Variants in MAP3K9 observed in about 807,000 individuals in gnomAD.
MAP3K9 encodes mixed lineage kinase 1 (tyr and ser/thr specificity).
MAP3K9 carries 46 observed loss-of-function variants against 95.8 expected under a neutral mutation model. That is an observed-to-expected ratio of 0.48 (90% CI 0.38 to 0.61). The LOEUF is 0.61. Ranked by LOEUF, MAP3K9 falls within the 20% of genes least tolerant of loss-of-function variation. The pLI, the probability that MAP3K9 is intolerant of heterozygous loss-of-function variation, is 0.00. For synonymous variants in MAP3K9, 533 were observed against 593.8 expected (o/e 0.90, Z 1.49); for missense variants, 1,296 against 1,474.3 (o/e 0.88, Z 1.98).
rs555684591 is a variant in MAP3K9 at position 70,785,355 on chromosome 14, T to C, written c.820+15312A>G. Among the ~76,000 whole-genome samples the C allele has an allele frequency of 3.2e-4, 48 of 152,252 alleles. 1 individual carries two copies. The highest frequency in any genetic ancestry group is 2.4e-5 in the African/African-American group (1 of 41,464). On this transcript the variant is annotated intron_variant, in intron 2 of 11. Coordinates refer to ENST00000554752, the MANE Select transcript of MAP3K9 (RefSeq NM_001284230.2). ...CCCAATCCATGGATAGAACCCTGTA[T>C]ATACTGTTTTTTCCTATACATTCAT... is the stretch of plus-strand genomic sequence containing the variant.
intron 2 of MAP3K9, among the ~76,000 whole-genome samples, chr14:70,792,056 T>C (rs1163525063): frequency 6.6e-6 from 1 of 152,236 alleles, no homozygotes; most frequent in Non-Finnish European, 1.5e-5. Flanking sequence ...TGCTGAGTCC[T>C]GTTCACCCGG....
Position 70,726,718 on chromosome 14 carries a change from A to C in MAP3K9, c.*3662T>G, listed in dbSNP as rs1044454316. The C allele has an allele frequency of 6.6e-6, 1 of 152,348 alleles. No individual in the cohort carries two copies. The highest frequency in any genetic ancestry group is 1.5e-5 in the Non-Finnish European group (1 of 68,124). 9.4% of individuals were successfully genotyped at this position (152,348 alleles called of 1,614,324 possible). Reference sequence around the variant, plus strand: ...AAATCACTCCTCTTCCAGAAGCCAAAGGACGAAAGAAAAGGCAAGTTCCCT... The same window carrying C: ...AAATCACTCCTCTTCCAGAAGCCAACGGACGAAAGAAAAGGCAAGTTCCCT... On this transcript the variant is annotated 3_prime_UTR_variant, in exon 12 of 12. Transcript: ENST00000554752.
At chr14:70,786,593 G>A (rs886568501) in intron 2 of MAP3K9, among the ~76,000 whole-genome samples, 4 of 152,084 alleles carry the variant, frequency 2.6e-5, no homozygotes, top group African/African-American at 4.8e-5. Context: ...CTGGTTCCTC[G>A]AATGGGGTAC....
intron 3 of MAP3K9, among the ~76,000 whole-genome samples, chr14:70,760,135 A>T (rs1341377334): frequency 1.0e-5 from 1 of 96,960 alleles, no homozygotes; most frequent in Admixed American, 1.1e-4. Context: ...TATTTAAAAT[A>T]AACGTGCACA....
chr14:70,755,018 G>A (rs2054279645), intron 3 of MAP3K9, among the ~76,000 whole-genome samples: 1 of 152,148 alleles, frequency 6.6e-6, no homozygotes, highest in African/African-American at 2.4e-5. Flanking sequence ...CACAACATTT[G>A]CAGGAGAACT....
intron 2 of MAP3K9, among the ~76,000 whole-genome samples, chr14:70,797,358 A>G (rs940084461): frequency 1.3e-5 from 2 of 152,134 alleles, no homozygotes; most frequent in African/African-American, 4.8e-5. Context: ...AAGAAGTGGC[A>G]TAACACTTCT....
chr14:70,784,169 G>C lies in MAP3K9; in HGVS notation c.820+16498C>G, dbSNP rs1378554929. Among the ~76,000 whole-genome samples the C allele has an allele frequency of 3.3e-5, 5 of 152,160 alleles. No individual in the cohort carries two copies. The East Asian group carries it at 5.8e-4, about 18-fold the overall frequency. ...ATGGTGGTGCATGCCTGTAATCCCA[G>C]CTACTTGAGAGGCTGAGGCAGGAGA... On this transcript the variant is annotated intron_variant, in intron 2 of 11. Coordinates refer to ENST00000554752, the MANE Select transcript of MAP3K9 (RefSeq NM_001284230.2).
intron 8 of MAP3K9, among the ~76,000 whole-genome samples, chr14:70,737,884 C>T (rs922031905): frequency 1.1e-4 from 16 of 152,102 alleles, no homozygotes; most frequent in African/African-American, 2.9e-4. Flanking sequence ...AAACCCTGCC[C>T]GCCACTTGCT....
chr14:70,777,450 C>T (rs1409736653), intron 2 of MAP3K9, among the ~76,000 whole-genome samples: 1 of 152,178 alleles, frequency 6.6e-6, no homozygotes, highest in Non-Finnish European at 1.5e-5. Flanking sequence ...AAGGGAGAAG[C>T]ATTACTCACT....
Position 70,732,830 on chromosome 14 carries a change from G to T in MAP3K9, c.2539C>A (p.Arg847Ser). 1.9e-6 allele frequency: 3 copies of T among 1,614,082 alleles called. No homozygotes were observed. The highest frequency in any genetic ancestry group is 2.5e-6 in the Non-Finnish European group (3 of 1,179,970). ...LSSISECNST[R>S]SLLRSDSDEI... ...TCGCTGTCGGAGCGCAGCAGGGAGC[G>T]TGTGGAGTTGCACTCGGAGATGGAG... The change falls in exon 11 of 12, where the codon CGC becomes AGC. Residue 847 changes from arginine to serine, a missense_variant. Physicochemically the swap from Arg to Ser is moderately radical, Grantham distance 110. Around this residue, in one of 5 missense-constraint regions of MAP3K9, gnomAD observed 433 missense variants for 441.4 expected, o/e 0.98. Coordinates refer to ENST00000554752, the MANE Select transcript of MAP3K9 (RefSeq NM_001284230.2).
chr14:70,808,090 C>T (rs548993825), intron 1 of MAP3K9, among the ~76,000 whole-genome samples: 1 of 152,344 alleles, frequency 6.6e-6, no homozygotes, highest in South Asian at 2.1e-4. Context: ...CATACTTTTT[C>T]CTCTCTAATC....
In MAP3K9 at chr14:70,733,126, C is replaced by A. The variant is rs375119611; in HGVS notation, c.2243G>T (p.Arg748Leu). 4 of 1,613,804 alleles carry A rather than the reference C, an allele frequency of 2.5e-6. No homozygotes were observed. The highest frequency in any genetic ancestry group is 3.4e-6 in the Non-Finnish European group (4 of 1,179,842). Reference protein sequence around the residue: ...SLKRGGAHHRRCEVALLGCGA... With the variant: ...SLKRGGAHHRLCEVALLGCGA... Reference sequence around the variant, plus strand: ...ACAGCCGAGCAGAGCCACCTCGCAGCGGCGGTGGTGGGCACCGCCCCGCTT... The same window carrying A: ...ACAGCCGAGCAGAGCCACCTCGCAGAGGCGGTGGTGGGCACCGCCCCGCTT... The change falls in exon 11 of 12, where the codon CGC becomes CTC. Residue 748 changes from arginine (R) to leucine (L), a missense_variant. Coordinates refer to ENST00000554752, the MANE Select transcript of MAP3K9 (RefSeq NM_001284230.2).
intron 1 of MAP3K9, among the ~76,000 whole-genome samples, chr14:70,807,557 C>T (rs965330112): frequency 6.6e-6 from 1 of 152,006 alleles, no homozygotes. Context: ...GAGCCAAAAA[C>T]GTAACTGTTA....
rs1025327866 is a variant in MAP3K9 at position 70,730,648 on chromosome 14, C to T, written c.3047G>A (p.Arg1016His). Residue 1016 changes from arginine (R) to histidine (H), a missense_variant, in exon 12 of 12, where the codon CGC (arginine) becomes CAC (histidine). By Grantham distance (29) the Arg-to-His change is conservative. Coordinates refer to ENST00000554752, the MANE Select transcript of MAP3K9 (RefSeq NM_001284230.2). ...PWWFVSPSHA[R>H]STSPANSSST... ...GGAGCTGTTGGCTGGGGAGGTGCTG[C>T]GGGCATGGCTGGGGGACACAAACCA... is the stretch of plus-strand genomic sequence containing the variant. 44 of 1,613,642 alleles carry T rather than the reference C, an allele frequency of 2.7e-5. No individual in the cohort carries two copies. Among genetic ancestry groups the T allele is most frequent in the Admixed American group, 3.3e-5 (2 of 60,004 alleles).
rs1274570753 is a variant in MAP3K9 at position 70,809,429 on chromosome 14, G to A, written c.-258C>T. The A allele has an allele frequency of 1.2e-5, 4 of 324,704 alleles. No homozygotes were observed. Among genetic ancestry groups the A allele is most frequent in the Non-Finnish European group, 2.2e-5 (4 of 181,776 alleles). 20.1% of individuals were successfully genotyped at this position (324,704 alleles called of 1,614,324 possible). A position where few individuals can be genotyped will look rare whatever the true frequency, so the allele number is the denominator to read the frequency against. ...CCCGCCTGCCCGCTCGCCCCCCCGG[G>A]GGCGGCCTCGTCACCTCTGCCGCCG... On this transcript the variant is annotated 5_prime_UTR_variant, in exon 1 of 12. Transcript: ENST00000554752.
chr14:70,735,914 G>C, intron 9 of MAP3K9, 47 bp downstream of exon 9: 1 of 1,343,808 alleles, frequency 7.4e-7, no homozygotes, highest in Non-Finnish European at 1.1e-6. Flanking sequence ...AAATGGAAGG[G>C]AGATTGTTAC....
At chr14:70,760,141 GCACACACACACA>G (rs60112409) in intron 3 of MAP3K9, among the ~76,000 whole-genome samples, 9 of 147,700 alleles carry the variant, frequency 6.1e-5, no homozygotes, top group South Asian at 4.3e-4. Context: ...AAATAAACGT[GCACACACACACA>G]CACACACACA....
chr14:70,792,995 T>C lies in MAP3K9; in HGVS notation c.820+7672A>G, dbSNP rs773008699. Among the ~76,000 whole-genome samples the C allele has an allele frequency of 2.7e-4, 41 of 152,294 alleles. 1 individual carries two copies. Among genetic ancestry groups the C allele is most frequent in the Admixed American group, 6.5e-4 (10 of 15,300 alleles). On this transcript the variant is annotated intron_variant, in intron 2 of 11. Coordinates refer to ENST00000554752, the MANE Select transcript of MAP3K9 (RefSeq NM_001284230.2). ...AGTGAACAGAATTTGGAGAGGGAGATGCTACATGGACCTCCAGTTCCAACA... is the reference window on the plus strand; with the variant it reads ...AGTGAACAGAATTTGGAGAGGGAGACGCTACATGGACCTCCAGTTCCAACA...
intron 2 of MAP3K9, among the ~76,000 whole-genome samples, chr14:70,764,817 G>C (rs1045300264): frequency 5.9e-5 from 9 of 151,986 alleles, no homozygotes; most frequent in African/African-American, 1.9e-4. Flanking sequence ...GGGTGGCAGA[G>C]TGAGTGAGAC....
Sources: allele counts gnomAD v4.1 joint callset (sites outside exome capture counted in the v4.1 genomes callset), GRCh38; gene constraint gnomAD v4.1.1; regional missense constraint gnomAD v4.1.1; transcripts MANE v1.5; gene names NCBI Gene and HGNC (gene_info 2026-07-23, HGNC 2026-07-21).